The following WNT3A variants were observed in gnomAD, a reference collection of about 807,000 sequenced individuals.
The protein encoded by WNT3A is Wnt family member 3A.
A neutral mutation model predicts 37.0 loss-of-function variants in WNT3A; 17 were observed. The observed-to-expected ratio is 0.46, with a 90% CI of 0.31 to 0.69. The LOEUF (loss-of-function observed/expected upper bound fraction) is 0.69. WNT3A is among the 30% of genes least tolerant of loss of function. WNT3A has a pLI of 0.05. For missense variants in WNT3A, 411 were observed against 510.2 expected (o/e 0.81, Z 1.87); for synonymous variants, 187 against 211.0 (o/e 0.89, Z 0.99).
intron 3 of WNT3A, among the ~76,000 whole-genome samples, chr1:228,057,877 C>G (rs1267638936): frequency 6.6e-6 from 1 of 152,182 alleles, no homozygotes; most frequent in Non-Finnish European, 1.5e-5. Context: ...CGCCCTGTAG[C>G]CCAGGCTGGA....
chr1:228,022,653 C>A lies in WNT3A; in HGVS notation c.72-14C>A. 6.2e-7 allele frequency: 1 copy of A among 1,607,604 alleles called. No homozygotes were observed. Among genetic ancestry groups the A allele is most frequent in the Non-Finnish European group, 8.5e-7 (1 of 1,175,130 alleles). On this transcript the variant is annotated splice_polypyrimidine_tract_variant and intron_variant, in intron 1 of 3. Coordinates refer to ENST00000284523, the MANE Select transcript of WNT3A (RefSeq NM_033131.4). ...CCCAGCCCCACACTCACCACCGGAT[C>A]TTGCCCTCTGCAGGTCGCTGGCTGT...
Position 228,050,974 on chromosome 1 carries a change from G to T in WNT3A, c.579+53G>T. 5 of 1,480,006 alleles carry T rather than the reference G, an allele frequency of 3.4e-6. No individual in the cohort carries two copies. The highest frequency in any genetic ancestry group is 2.8e-5 in the South Asian group (2 of 72,182). The allele number at this position is 1,480,006 out of a possible 1,614,324, so 91.7% of individuals were successfully genotyped here. On this transcript the variant is annotated intron_variant, in intron 3 of 3. Transcript: ENST00000284523. The surrounding 1 kb of genome is among the most constrained non-coding windows in gnomAD (Gnocchi z 5.0). The stretch of plus-strand genomic sequence containing the variant: ...GGGAAAAAGGAGCCTCCTCAGCAGG[G>T]TGTGTGCCCTGGTTCCTTGGGGCAT...
intron 1 of WNT3A, among the ~76,000 whole-genome samples, chr1:228,017,438 C>T (rs1373772494): frequency 2.0e-5 from 3 of 152,140 alleles, no homozygotes; most frequent in Admixed American, 6.6e-5. Context: ...AGTGGCCAGG[C>T]GCGGTGGCTC....
chr1:228,046,749 T>C (rs537957402), intron 2 of WNT3A, among the ~76,000 whole-genome samples: 9 of 150,964 alleles, frequency 6.0e-5, no homozygotes, highest in Admixed American at 1.3e-4. Context: ...GGTGTGCATG[T>C]GTGCTTGTGT....
intron 1 of WNT3A, among the ~76,000 whole-genome samples, chr1:228,013,204 C>T (rs540088188): frequency 3.2e-4 from 49 of 152,274 alleles, no homozygotes; most frequent in Admixed American, 8.5e-4. Context: ...CGTGCCACTA[C>T]GCTTGGCTAG....
chr1:228,046,572 GGGGTGGGGTGTGTATATGT>G (rs529567552), intron 2 of WNT3A, among the ~76,000 whole-genome samples: 4 of 150,754 alleles, frequency 2.7e-5, no homozygotes, highest in African/African-American at 4.9e-5. Flanking sequence ...GCATGTGCAT[GGGGTGGGGTGTGTATATGT>G]GGGGTATGTG....
intron 3 of WNT3A, among the ~76,000 whole-genome samples, chr1:228,055,102 C>T (rs1477231404): frequency 1.4e-5 from 2 of 140,814 alleles, no homozygotes; most frequent in Non-Finnish European, 3.0e-5. Flanking sequence ...CCATTACACT[C>T]CAGCCTGGGC....
rs1279333399 is a variant in WNT3A, at chr1:228,059,088, G to T, written c.682G>T (p.Gly228Cys). The T allele has an allele frequency of 3.7e-6, 6 of 1,613,732 alleles. No homozygotes were observed. The highest frequency in any genetic ancestry group is 5.1e-6 in the Non-Finnish European group (6 of 1,179,982). ...GTCGCAACCCGACTTCCGCGCCATCGGTGACTTCCTCAAGGACAAGTACGA... is the reference window on the plus strand; with the variant it reads ...GTCGCAACCCGACTTCCGCGCCATCTGTGACTTCCTCAAGGACAAGTACGA... Reference protein sequence around the residue: ...WWSQPDFRAIGDFLKDKYDSA... With the variant: ...WWSQPDFRAICDFLKDKYDSA... The change falls in exon 4 of 4, where the codon GGT becomes TGT. Residue 228 changes from glycine (G) to cysteine (C), a missense_variant. Gly to Cys is a radical substitution (Grantham distance 159, BLOSUM62 -3). Transcript: ENST00000284523.
intron 2 of WNT3A, among the ~76,000 whole-genome samples, chr1:228,028,292 AT>A (rs56294253): frequency 0.1 from 12,149 of 120,088 alleles, 1,074 homozygotes; most frequent in African/African-American, 0.28. Context: ...GTTACATATA[AT>A]TTTTTTTTTT....
chr1:228,055,179 A>AATATATATAT (rs1180107835), intron 3 of WNT3A, among the ~76,000 whole-genome samples: 30 of 19,266 alleles, frequency 1.6e-3, no homozygotes, highest in South Asian at 6.1e-3. Context: ...AAAAAAAAAA[A>AATATATATAT]ATATATATAT....
chr1:228,008,193 G>A lies in WNT3A; in HGVS notation c.71+994G>A, dbSNP rs561405316. ...TGCCCAAGATTGAGGAACACAAGTG[G>A]GAGGAATGTGGGCGCGCAGGGCCGG... is the stretch of plus-strand genomic sequence containing the variant. On this transcript the variant is annotated intron_variant, in intron 1 of 3. Transcript: ENST00000284523. This position sits in a 1 kb window ranked among gnomAD's most constrained non-coding sequence, Gnocchi z 4.9. 2.0e-5 allele frequency among the ~76,000 whole-genome samples: 3 copies of A among 152,276 alleles called. No individual in the cohort carries two copies. Among genetic ancestry groups the A allele is most frequent in the African/African-American group, 4.8e-5 (2 of 41,546 alleles).
rs2031004198 is a variant in WNT3A, at chr1:228,031,402, A to C, written c.313+8494A>C. ...ACAGAGCTGCTGGCTGGGGTAATAC[A>C]CCACGCAGCTCCCCTGGAGATAGCT... On this transcript the variant is annotated intron_variant, in intron 2 of 3. Transcript: ENST00000284523. This position sits in a 1 kb window ranked among gnomAD's most constrained non-coding sequence, Gnocchi z 4.8. Among the ~76,000 whole-genome samples, 1 of 152,178 alleles carries C rather than the reference A, an allele frequency of 6.6e-6. No individual in the cohort carries two copies. Among genetic ancestry groups the C allele is most frequent in the South Asian group, 2.1e-4 (1 of 4,832 alleles).
At position 228,038,195 on chromosome 1, in the gene WNT3A, C is replaced by G. The variant is rs1002714348; in HGVS notation, c.314-12461C>G. Among the ~76,000 whole-genome samples, 5 of 152,180 alleles carry G rather than the reference C, an allele frequency of 3.3e-5. No homozygotes were observed. The highest frequency in any genetic ancestry group is 7.2e-5 in the African/African-American group (3 of 41,552). Reference sequence around the variant, plus strand: ...ATTACCAAATGCCACCGCGACACCCCCTCCCGGCCGCCTGGCTCCTCCTGG... The same window carrying G: ...ATTACCAAATGCCACCGCGACACCCGCTCCCGGCCGCCTGGCTCCTCCTGG... On this transcript the variant is annotated intron_variant, in intron 2 of 3. Coordinates refer to ENST00000284523, the MANE Select transcript of WNT3A (RefSeq NM_033131.4). The surrounding 1 kb of genome is among the most constrained non-coding windows in gnomAD (Gnocchi z 5.7).
intron 3 of WNT3A, among the ~76,000 whole-genome samples, chr1:228,056,639 C>T (rs956398711): frequency 2.0e-5 from 3 of 152,142 alleles, no homozygotes; most frequent in Non-Finnish European, 4.4e-5. Flanking sequence ...AGGCAGGAAG[C>T]TTCCTCAGAA....
rs557213107 is a variant in WNT3A at position 228,038,497 on chromosome 1, C to T, written c.314-12159C>T. 2.6e-5 allele frequency among the ~76,000 whole-genome samples: 4 copies of T among 152,340 alleles called. No individual in the cohort carries two copies. In the East Asian group the frequency reaches 7.7e-4, roughly 29 times the overall value. On this transcript the variant is annotated intron_variant, in intron 2 of 3. Coordinates refer to ENST00000284523, the MANE Select transcript of WNT3A (RefSeq NM_033131.4). The surrounding 1 kb of genome is among the most constrained non-coding windows in gnomAD (Gnocchi z 5.7). ...TCCCCAGATGACATGACATTTGGGG[C>T]CACAGTGACCTGCAGGCCCCTGGCC...
In WNT3A at chr1:228,037,137, A is replaced by C. The variant is rs371215842; in HGVS notation, c.314-13519A>C. 6.6e-6 allele frequency among the ~76,000 whole-genome samples: 1 copy of C among 152,090 alleles called. No homozygotes were observed. Among genetic ancestry groups the C allele is most frequent in the Non-Finnish European group, 1.5e-5 (1 of 67,982 alleles). Reference sequence around the variant, plus strand: ...CCACAACTCCCAGTGGACACTTCCCAGAGCCCTGGGGTTTGCTTCTTCGTA... The same window carrying C: ...CCACAACTCCCAGTGGACACTTCCCCGAGCCCTGGGGTTTGCTTCTTCGTA... On this transcript the variant is annotated intron_variant, in intron 2 of 3. Coordinates refer to ENST00000284523, the MANE Select transcript of WNT3A (RefSeq NM_033131.4). The surrounding 1 kb of genome is among the most constrained non-coding windows in gnomAD (Gnocchi z 4.1).
intron 2 of WNT3A, among the ~76,000 whole-genome samples, chr1:228,029,731 C>T (rs1433149911): frequency 6.6e-6 from 1 of 151,170 alleles, no homozygotes; most frequent in Non-Finnish European, 1.5e-5. Flanking sequence ...AGTATGAATG[C>T]TTGTGCCCAC....
chr1:228,022,587 C>T, intron 1 of WNT3A, 80 bp from the exon 2 acceptor site: 3 of 1,501,362 alleles, frequency 2.0e-6, no homozygotes, highest in Non-Finnish European at 2.7e-6. Flanking sequence ...ACTTGAGGCC[C>T]CAGAGCAAAG....
At chr1:228,011,216 G>T (rs1367406573) in intron 1 of WNT3A, among the ~76,000 whole-genome samples, 1 of 149,124 alleles carries the variant, frequency 6.7e-6, no homozygotes, top group Admixed American at 6.8e-5. Flanking sequence ...GTGTGGGCAG[G>T]TGGCTGCAGC....
Sources: allele counts gnomAD v4.1 joint callset (sites outside exome capture counted in the v4.1 genomes callset), GRCh38; gene constraint gnomAD v4.1.1; non-coding constraint Gnocchi (gnomAD v3.1); transcripts MANE v1.5; gene names NCBI Gene and HGNC (gene_info 2026-07-23, HGNC 2026-07-21).